CDH13: variants seen among roughly 807,000 people sequenced by gnomAD.
CDH13 encodes cadherin-13.
Under a neutral mutation model 63.8 loss-of-function variants are expected in CDH13, and 24 were observed. The ratio of observed to expected loss-of-function variants is 0.38; its 90% CI spans 0.27 to 0.53. The LOEUF (loss-of-function observed/expected upper bound fraction) is 0.53. Ranked by LOEUF, CDH13 falls within the 20% of genes least tolerant of loss-of-function variation. The probability of loss-of-function intolerance (pLI) is 0.85; values close to 1 mark genes in which losing one functional copy is unlikely to be tolerated. For missense variants in CDH13, 1,049 were observed against 903.1 expected, an observed-to-expected ratio of 1.16 and a Z score of -2.07; for synonymous variants, 503 against 355.3, an observed-to-expected ratio of 1.42 and a Z score of -4.67.
chr16:83,449,353 G>T lies in CDH13; in HGVS notation c.782-37124G>T, dbSNP rs112479282. Among the ~76,000 whole-genome samples, 719 of 152,246 alleles carry T rather than the reference G, an allele frequency of 4.7e-3. 5 individuals carry two copies. Among genetic ancestry groups the T allele is most frequent in the African/African-American group, 0.016 (672 of 41,538 alleles). On this transcript the variant is annotated intron_variant, in intron 6 of 13. Coordinates refer to ENST00000567109, the MANE Select transcript of CDH13 (RefSeq NM_001257.5). ...AAGAGGAAAACAACTGATAAACAGG[G>T]CTCATGGAAGTCCCTGTCCGCTGGG...
chr16:82,723,915 G>A (rs772185126), intron 1 of CDH13, among the ~76,000 whole-genome samples: 11 of 152,124 alleles, frequency 7.2e-5, no homozygotes, highest in South Asian at 2.1e-4. Context: ...TTCCCACTCC[G>A]TCTTCCACTC....
intron 1 of CDH13, among the ~76,000 whole-genome samples, chr16:82,835,973 T>C (rs2549139): frequency 0.93 from 141,993 of 152,226 alleles, 67,027 homozygotes; most frequent in East Asian, 1. Flanking sequence ...CGCTCAGGTC[T>C]CGCATGTCAG....
At chr16:82,801,974 C>T (rs1230300485) in intron 1 of CDH13, among the ~76,000 whole-genome samples, 1 of 152,140 alleles carries the variant, frequency 6.6e-6, no homozygotes, top group Non-Finnish European at 1.5e-5. Context: ...GAAGGCAATA[C>T]AGTGTGTGTG....
At position 83,139,309 on chromosome 16, in the gene CDH13, T is replaced by C. The variant is rs563343030; in HGVS notation, c.483+13808T>C. ...TCATCCATGCCTAGGGATTTTACTT[T>C]AGTCCTTCCTTGCTGTGAATTTGAA... On this transcript the variant is annotated intron_variant, in intron 4 of 13. Transcript: ENST00000567109. 8.5e-5 allele frequency among the ~76,000 whole-genome samples: 13 copies of C among 152,358 alleles called. No homozygotes were observed. The East Asian group carries it at 1.3e-3, about 16-fold the overall frequency.
chr16:83,473,792 T>C (rs2073527902), intron 6 of CDH13, among the ~76,000 whole-genome samples: 1 of 152,182 alleles, frequency 6.6e-6, no homozygotes, highest in Non-Finnish European at 1.5e-5. Context: ...GGTTTGCCTC[T>C]CGTCTCAGCC....
At chr16:82,743,597 A>C (rs751614651) in intron 1 of CDH13, among the ~76,000 whole-genome samples, 13 of 152,184 alleles carry the variant, frequency 8.5e-5, no homozygotes, top group Non-Finnish European at 1.9e-4. Context: ...TATATTTTTC[A>C]CCTAGACAGA....
At chr16:83,562,914 G>C (rs912692273) in intron 7 of CDH13, among the ~76,000 whole-genome samples, 2 of 152,330 alleles carry the variant, frequency 1.3e-5, no homozygotes, top group Middle Eastern at 3.4e-3. Context: ...GGGTAGCCAA[G>C]AGGGACGAGG....
chr16:83,476,278 C>T (rs763243911), intron 6 of CDH13, among the ~76,000 whole-genome samples: 38 of 152,292 alleles, frequency 2.5e-4, no homozygotes, highest in Admixed American at 1.3e-4. Flanking sequence ...GTTGTAACAA[C>T]CAAAAGTATC....
At chr16:83,651,570 T>C (rs1361048970) in intron 8 of CDH13, among the ~76,000 whole-genome samples, 4 of 150,860 alleles carry the variant, frequency 2.7e-5, no homozygotes, top group Non-Finnish European at 5.9e-5. Context: ...ACTTTCCTCA[T>C]TGGTCTTTTA....
rs77378709 is a variant in CDH13, at chr16:82,640,281, G to A, written c.45+13144G>A. On this transcript the variant is annotated intron_variant, in intron 1 of 13. Transcript: ENST00000567109. ...TGAAATGTGCTACCGTTTGTGAAAG[G>A]AAGTTAGTAATACATACATGGCATT... 2.7e-3 allele frequency among the ~76,000 whole-genome samples: 411 copies of A among 152,288 alleles called. 3 individuals are homozygous for A. Among genetic ancestry groups the A allele is most frequent in the African/African-American group, 9.5e-3 (394 of 41,574 alleles).
At chr16:83,741,417 C>T (rs1445871447) in intron 10 of CDH13, among the ~76,000 whole-genome samples, 2 of 151,956 alleles carry the variant, frequency 1.3e-5, no homozygotes, top group Non-Finnish European at 2.9e-5. Flanking sequence ...CCTGTATCTC[C>T]TCTCCTTTCG....
chr16:83,037,904 C>A (rs1038025702), intron 3 of CDH13, among the ~76,000 whole-genome samples: 9 of 152,144 alleles, frequency 5.9e-5, no homozygotes, highest in Middle Eastern at 3.2e-3. Flanking sequence ...TAGCACCAGA[C>A]ATCAAGGGAC....
intron 6 of CDH13, among the ~76,000 whole-genome samples, chr16:83,371,297 A>G (rs2091362838): frequency 1.3e-5 from 2 of 152,206 alleles, no homozygotes; most frequent in African/African-American, 2.4e-5. Flanking sequence ...TCCTTCCTGC[A>G]TCTTCAGTCA....
chr16:83,003,683 A>G (rs780028377), intron 2 of CDH13, among the ~76,000 whole-genome samples: 1 of 152,164 alleles, frequency 6.6e-6, no homozygotes, highest in African/African-American at 2.4e-5. Context: ...CTAAAACTTA[A>G]CTTACCTCTC....
Position 82,797,216 on chromosome 16 carries a change from CGGTT to C in CDH13, c.46-61145_46-61142del, listed in dbSNP as rs1567545289. On this transcript the variant is annotated intron_variant, in intron 1 of 13. Coordinates refer to ENST00000567109, the MANE Select transcript of CDH13 (RefSeq NM_001257.5). Reference sequence around the variant, plus strand: ...GTGACTTTTCAGTTGCTTCTGAATACGGTTTGCTGTACACTGTGTGTTACCAGTG... The same window carrying C: ...GTGACTTTTCAGTTGCTTCTGAATACTGCTGTACACTGTGTGTTACCAGTG... Among the ~76,000 whole-genome samples the C allele has an allele frequency of 1.1e-4, 17 of 152,182 alleles. 1 individual carries two copies. The East Asian group carries it at 1.9e-3, about 17-fold the overall frequency.
chr16:82,679,736 G>A (rs924006540), intron 1 of CDH13, among the ~76,000 whole-genome samples: 1 of 152,144 alleles, frequency 6.6e-6, no homozygotes, highest in South Asian at 2.1e-4. Context: ...TTAGATTTTG[G>A]ATCATTTACA....
At chr16:83,191,647 G>T (rs1283346107) in intron 4 of CDH13, among the ~76,000 whole-genome samples, 1 of 150,736 alleles carries the variant, frequency 6.6e-6, no homozygotes, top group African/African-American at 2.4e-5. Flanking sequence ...GCAAGCTGAG[G>T]AGCAAGGGAG....
chr16:83,510,863 A>C (rs1218521906), intron 7 of CDH13, among the ~76,000 whole-genome samples: 1 of 152,272 alleles, frequency 6.6e-6, no homozygotes, highest in Admixed American at 6.5e-5. Context: ...CTTTCAGAAA[A>C]TCAGTAATGT....
chr16:83,395,517 C>T (rs1212176523), intron 6 of CDH13, among the ~76,000 whole-genome samples: 1 of 152,084 alleles, frequency 6.6e-6, no homozygotes, highest in Non-Finnish European at 1.5e-5. Context: ...CTCCTGGAGG[C>T]CAGGAGTGCA....
Sources: allele counts gnomAD v4.1 joint callset (sites outside exome capture counted in the v4.1 genomes callset), GRCh38; gene constraint gnomAD v4.1.1; transcripts MANE v1.5; gene names NCBI Gene and HGNC (gene_info 2026-07-23, HGNC 2026-07-21).